The following RGS6 variants were observed in gnomAD, a reference collection of about 807,000 sequenced individuals.
RGS6 encodes regulator of G protein signaling 6, also known as regulator of G-protein signaling 6.
In RGS6, 30 loss-of-function variants were observed where a neutral mutation model predicts 78.5. That is an observed-to-expected ratio of 0.38 (90% CI 0.29 to 0.52). The LOEUF is 0.52. Ranked by LOEUF, RGS6 falls within the 20% of genes least tolerant of loss-of-function variation. RGS6 has a pLI of 0.85. For missense variants in RGS6, 495 were observed against 609.7 expected, an observed-to-expected ratio of 0.81 and a Z score of 1.98; for synonymous variants, 206 against 206.0, an observed-to-expected ratio of 1.00 and a Z score of 0.00.
At chr14:71,997,352 G>A (rs2095243823) in intron 2 of RGS6, among the ~76,000 whole-genome samples, 1 of 152,166 alleles carries the variant, frequency 6.6e-6, no homozygotes. Flanking sequence ...GTTGTATACA[G>A]CAGGCTTCAC....
intron 2 of RGS6, among the ~76,000 whole-genome samples, chr14:72,117,322 T>G (rs1314281052): frequency 6.6e-6 from 1 of 152,072 alleles, no homozygotes; most frequent in East Asian, 1.9e-4. Flanking sequence ...ATGAATGTCT[T>G]GGTGTCCTCC....
chr14:72,418,326 C>T (rs7147878), intron 3 of RGS6, among the ~76,000 whole-genome samples: 26,218 of 152,018 alleles, frequency 0.17, 3,213 homozygotes, highest in African/African-American at 0.35. Context: ...GCCACTACAG[C>T]CGGCTAATTT....
intron 2 of RGS6, among the ~76,000 whole-genome samples, chr14:72,251,425 C>T (rs1411528850): frequency 6.6e-6 from 1 of 152,126 alleles, no homozygotes; most frequent in Non-Finnish European, 1.5e-5. Context: ...AGAGGTCCTC[C>T]CTGCACTTAG....
At chr14:72,190,377 G>A (rs897370971) in intron 2 of RGS6, among the ~76,000 whole-genome samples, 2 of 152,248 alleles carry the variant, frequency 1.3e-5, no homozygotes, top group Admixed American at 1.3e-4. Context: ...TGGGGATTAC[G>A]GAAAGAGACA....
chr14:72,549,691 G>C (rs983828847), intron 17 of RGS6, among the ~76,000 whole-genome samples: 1 of 152,078 alleles, frequency 6.6e-6, no homozygotes, highest in African/African-American at 2.4e-5. Flanking sequence ...GTGAAACCCC[G>C]TCTCTACTAA....
At chr14:72,108,627 A>T (rs923063030) in intron 2 of RGS6, among the ~76,000 whole-genome samples, 16 of 152,002 alleles carry the variant, frequency 1.1e-4, no homozygotes, top group East Asian at 1.9e-4. Flanking sequence ...TGATTTTTTT[A>T]AAAAAATTTA....
intron 2 of RGS6, among the ~76,000 whole-genome samples, chr14:72,028,271 A>T (rs1381829165): frequency 2.0e-5 from 3 of 152,194 alleles, no homozygotes; most frequent in Non-Finnish European, 4.4e-5. Context: ...TCACATTTGA[A>T]CTGCAGCTTG....
At chr14:72,051,707 A>G (rs2093257993) in intron 2 of RGS6, among the ~76,000 whole-genome samples, 1 of 152,168 alleles carries the variant, frequency 6.6e-6, no homozygotes, top group Non-Finnish European at 1.5e-5. Flanking sequence ...TCATTGTAAA[A>G]TCCAGTAAAA....
At chr14:72,247,130 A>T (rs977255466) in intron 2 of RGS6, among the ~76,000 whole-genome samples, 4 of 152,104 alleles carry the variant, frequency 2.6e-5, no homozygotes, top group African/African-American at 7.2e-5. Context: ...TGATAATTCC[A>T]GCTCTTTCTT....
intron 1 of RGS6, among the ~76,000 whole-genome samples, chr14:71,963,274 C>T (rs117726175): frequency 0.012 from 1,852 of 152,326 alleles, 30 homozygotes; most frequent in Admixed American, 0.045. Context: ...CTTCCTTCTT[C>T]ACTCAAAACT....
chr14:72,274,220 A>G (rs1458287515), intron 2 of RGS6, among the ~76,000 whole-genome samples: 4 of 152,174 alleles, frequency 2.6e-5, no homozygotes, highest in Admixed American at 2.0e-4. Flanking sequence ...GGCACTATTC[A>G]TCATTGGCTC....
chr14:72,569,158 T>C (rs920798327), downstream of RGS6, among the ~76,000 whole-genome samples: 1 of 151,978 alleles, frequency 6.6e-6, no homozygotes, highest in Non-Finnish European at 1.5e-5. Context: ...GTTTGTTTAT[T>C]AAGCTATAAT....
At chr14:72,493,208 T>C (rs1406707306) in intron 12 of RGS6, among the ~76,000 whole-genome samples, 1 of 152,014 alleles carries the variant, frequency 6.6e-6, no homozygotes, top group Non-Finnish European at 1.5e-5. Flanking sequence ...TGAAAGAGTA[T>C]AATCAAAATA....
chr14:72,052,299 A>G (rs1307043776), intron 2 of RGS6, among the ~76,000 whole-genome samples: 1 of 152,232 alleles, frequency 6.6e-6, no homozygotes, highest in African/African-American at 2.4e-5. Context: ...TTAATGTGCC[A>G]TTTTATCAGA....
intron 1 of RGS6, among the ~76,000 whole-genome samples, chr14:71,943,958 T>C (rs765110262): frequency 8.5e-5 from 13 of 152,168 alleles, no homozygotes; most frequent in Admixed American, 3.9e-4. Flanking sequence ...TTCATTCTTA[T>C]TGCTTGCTTG....
intron 2 of RGS6, among the ~76,000 whole-genome samples, chr14:72,084,797 T>C (rs139604361): frequency 6.6e-5 from 10 of 152,236 alleles, no homozygotes; most frequent in African/African-American, 2.4e-4. Context: ...CTAAATTTAA[T>C]TTTCACCAGC....
chr14:72,396,685 A>G (rs1411364697), intron 3 of RGS6, among the ~76,000 whole-genome samples: 1 of 152,152 alleles, frequency 6.6e-6, no homozygotes, highest in Non-Finnish European at 1.5e-5. Context: ...TAGGTCTAAC[A>G]TGTAAGTCTT....
intron 2 of RGS6, among the ~76,000 whole-genome samples, chr14:72,215,805 C>A (rs2045420413): frequency 6.6e-6 from 1 of 152,114 alleles, no homozygotes; most frequent in Non-Finnish European, 1.5e-5. Context: ...ATTGTGGGAG[C>A]TAAGAACATA....
chr14:71,932,273 C>T (rs1268273280), upstream of RGS6, among the ~76,000 whole-genome samples: 2 of 151,686 alleles, frequency 1.3e-5, no homozygotes, highest in East Asian at 1.9e-4. Flanking sequence ...CGCTCAGGTG[C>T]CGGTCCCCGC....
Sources: allele counts gnomAD v4.1 joint callset (sites outside exome capture counted in the v4.1 genomes callset), GRCh38; gene constraint gnomAD v4.1.1; transcripts MANE v1.5; gene names NCBI Gene and HGNC (gene_info 2026-07-23, HGNC 2026-07-21).